The following NCOA5 variants were observed in gnomAD, a reference collection of about 807,000 sequenced individuals.
NCOA5 encodes the protein nuclear receptor coactivator 5.
A neutral mutation model predicts 59.0 loss-of-function variants in NCOA5; 12 were observed. The ratio of observed to expected loss-of-function variants is 0.20; its 90% CI spans 0.13 to 0.33. NCOA5 has a LOEUF of 0.33. Among genes scored for constraint, NCOA5 ranks in the 10% least tolerant of loss-of-function variants. The pLI is 1.00. For missense variants in NCOA5, 655 were observed against 766.6 expected (o/e 0.85, Z 1.72); for synonymous variants, 270 against 275.5 (o/e 0.98, Z 0.20).
At chr20:46,071,141 TA>T (rs1157485401) in intron 2 of NCOA5, among the ~76,000 whole-genome samples, 380 of 137,668 alleles carry the variant, frequency 2.8e-3, no homozygotes, top group Non-Finnish European at 2.9e-3. Context: ...CAAGATGGTT[TA>T]AAAAAAAAAA....
intron 3 of NCOA5, among the ~76,000 whole-genome samples, chr20:46,068,896 C>A (rs761745278): frequency 6.6e-6 from 1 of 152,070 alleles, no homozygotes; most frequent in African/African-American, 2.4e-5. Flanking sequence ...ATTACATGTC[C>A]CTCCCTTGTG....
At chr20:46,086,828 T>C (rs1568889862) in intron 1 of NCOA5, among the ~76,000 whole-genome samples, 1 of 152,192 alleles carries the variant, frequency 6.6e-6, no homozygotes, top group African/African-American at 2.4e-5. Context: ...AAAATATTCA[T>C]GAGAGGATAG....
chr20:46,071,016 A>G (rs780926416), intron 2 of NCOA5, among the ~76,000 whole-genome samples: 2 of 152,184 alleles, frequency 1.3e-5, no homozygotes, highest in African/African-American at 2.4e-5. Flanking sequence ...AAAAATTACT[A>G]TAAGATACAT....
At chr20:46,063,755 C>A in intron 6 of NCOA5, 75 bp from the exon 7 acceptor site, 1 of 1,379,308 alleles carries the variant, frequency 7.3e-7, no homozygotes. Context: ...TCTGTCAAGT[C>A]TTTCCTAACC....
chr20:46,077,225 A>G (rs1409800798), intron 2 of NCOA5, among the ~76,000 whole-genome samples: 1 of 152,172 alleles, frequency 6.6e-6, no homozygotes, highest in Non-Finnish European at 1.5e-5. Flanking sequence ...CTCATTTTAT[A>G]AGGCCCTCTC....
At chr20:46,077,801 C>T (rs573410389) in intron 2 of NCOA5, among the ~76,000 whole-genome samples, 4 of 152,354 alleles carry the variant, frequency 2.6e-5, no homozygotes, top group South Asian at 4.2e-4. Context: ...CTCTTATCCA[C>T]CTGTATTCCA....
chr20:46,076,483 T>C (rs143295395), intron 2 of NCOA5, among the ~76,000 whole-genome samples: 2 of 152,310 alleles, frequency 1.3e-5, no homozygotes, highest in African/African-American at 2.4e-5. Context: ...AAAATGTTAG[T>C]GCTCGCTATT....
At chr20:46,065,838 T>C (rs1212957597) in intron 5 of NCOA5, among the ~76,000 whole-genome samples, 1 of 152,234 alleles carries the variant, frequency 6.6e-6, no homozygotes, top group Non-Finnish European at 1.5e-5. Flanking sequence ...GGAATGAGGC[T>C]ATACAGCCCC....
rs746393676 is a variant in NCOA5, at chr20:46,062,285, T to G, written c.*15A>C. ...CAGGGGATGAGGGGACTGGGGAGAG[T>G]TGAAAGATTTAGCTTCAGTAATGCC... On this transcript the variant is annotated 3_prime_UTR_variant, in exon 8 of 8. Coordinates refer to ENST00000290231, the MANE Select transcript of NCOA5 (RefSeq NM_020967.3). 1.9e-5 allele frequency: 31 copies of G among 1,596,890 alleles called. No individual in the cohort carries two copies. Among genetic ancestry groups the G allele is most frequent in the Non-Finnish European group, 2.6e-5 (30 of 1,168,782 alleles).
chr20:46,082,060 G>A (rs1449082359), intron 1 of NCOA5, among the ~76,000 whole-genome samples: 2 of 152,100 alleles, frequency 1.3e-5, no homozygotes. Flanking sequence ...CTGTCAGTTG[G>A]AAGCAGAGGG....
intron 1 of NCOA5, among the ~76,000 whole-genome samples, 176 bp downstream of exon 1, chr20:46,089,641 G>T (rs2085080904): frequency 6.6e-6 from 1 of 151,854 alleles, no homozygotes; most frequent in Admixed American, 6.6e-5. Context: ...GCCGGAGGCG[G>T]CCGCGCCCCG....
At chr20:46,085,684 G>A (rs1039471550) in intron 1 of NCOA5, among the ~76,000 whole-genome samples, 2 of 152,140 alleles carry the variant, frequency 1.3e-5, no homozygotes, top group Non-Finnish European at 2.9e-5. Context: ...GGGAACACGG[G>A]GATAGGAGGA....
Position 46,067,096 on chromosome 20 carries a change from C to A in NCOA5, c.588G>T (p.Arg196Ser), listed in dbSNP as rs1411564819. 29 of 1,614,016 alleles carry A rather than the reference C, an allele frequency of 1.8e-5. No homozygotes were observed. Among genetic ancestry groups the A allele is most frequent in the Non-Finnish European group, 2.2e-5 (26 of 1,180,032 alleles). Reference sequence around the variant, plus strand: ...CCACAATCACAGAACAATCAACGGGCCTTTCGGCATCAAAGCGTCTCTGGA... The same window carrying A: ...CCACAATCACAGAACAATCAACGGGACTTTCGGCATCAAAGCGTCTCTGGA... ...EEIQRRFDAE[R>S]PVDCSVIVVN... is the part of the protein sequence containing the mutation. Residue 196 changes from arginine (R) to serine (S), a missense_variant, in exon 5 of 8, where the codon AGG becomes AGT. Around this residue, in one of 3 missense-constraint regions of NCOA5, gnomAD observed 80 missense variants for 153.3 expected, o/e 0.52. Coordinates refer to ENST00000290231, the MANE Select transcript of NCOA5 (RefSeq NM_020967.3).
At position 46,068,534 on chromosome 20, in the gene NCOA5, G is replaced by T. The variant is rs1962519864; in HGVS notation, c.470C>A (p.Pro157His). 1 of 1,613,096 alleles carries T rather than the reference G, an allele frequency of 6.2e-7. No individual in the cohort carries two copies. The highest frequency in any genetic ancestry group is 1.3e-5 in the African/African-American group (1 of 74,886). ...RYRDSFDGRG[P>H]PGPESQSRAK... ...ACGAGACTGACTTTCTGGGCCTGGAGGGCCCCGTCCATCAAAGCTATCTCT... is the reference window on the plus strand; with the variant it reads ...ACGAGACTGACTTTCTGGGCCTGGATGGCCCCGTCCATCAAAGCTATCTCT... The change falls in exon 4 of 8, where the codon CCT becomes CAT. Residue 157 changes from proline (P) to histidine (H), a missense_variant. Pro to His is a moderately conservative substitution (Grantham distance 77, BLOSUM62 -2). This residue lies in a region of NCOA5 where 250 missense variants were observed against 260.1 expected (regional missense o/e 0.96). Coordinates refer to ENST00000290231, the MANE Select transcript of NCOA5 (RefSeq NM_020967.3).
chr20:46,084,037 A>G (rs1289824754), intron 1 of NCOA5, among the ~76,000 whole-genome samples: 1 of 152,230 alleles, frequency 6.6e-6, no homozygotes, highest in Non-Finnish European at 1.5e-5. Context: ...CTGTATTAGA[A>G]TATTATTCCT....
chr20:46,085,600 C>T (rs2085037467), intron 1 of NCOA5, among the ~76,000 whole-genome samples: 1 of 151,874 alleles, frequency 6.6e-6, no homozygotes, highest in Admixed American at 6.6e-5. Flanking sequence ...GAAAAGTCAT[C>T]CCAGAACATA....
At position 46,062,479 on chromosome 20, in the gene NCOA5, T is replaced by G. The variant is rs1281363890; in HGVS notation, c.1561A>C (p.Asn521His). 6.2e-7 allele frequency: 1 copy of G among 1,614,168 alleles called. No homozygotes were observed. Among genetic ancestry groups the G allele is most frequent in the Admixed American group, 1.7e-5 (1 of 60,020 alleles). The change falls in exon 8 of 8, where the codon AAC becomes CAC. Residue 521 changes from asparagine (N) to histidine (H), a missense_variant. Coordinates refer to ENST00000290231, the MANE Select transcript of NCOA5 (RefSeq NM_020967.3). ...QPSSRLAPAS[N>H]MTSQRPVSST... ...GACACAGGCCTCTGGCTAGTCATGTTGCTAGCAGGTGCCAGGCGACTGGAA... is the reference window on the plus strand; with the variant it reads ...GACACAGGCCTCTGGCTAGTCATGTGGCTAGCAGGTGCCAGGCGACTGGAA...
rs1281940629 is a variant in NCOA5, at chr20:46,065,047, T to G, written c.811A>C (p.Met271Leu). The change falls in exon 6 of 8, where the codon ATG becomes CTG. Residue 271 changes from methionine to leucine, a missense_variant. Around this residue, in one of 3 missense-constraint regions of NCOA5, gnomAD observed 80 missense variants for 153.3 expected, o/e 0.52. Transcript: ENST00000290231. ...QIHRSCTVNI[M>L]FGTPQEHRNM... is the part of the protein sequence containing the mutation. ...TCTGTACCTTGCGGGGTTCCAAACA[T>G]GATGTTGACTGTGCAGGAGCGGTGA... is the stretch of plus-strand genomic sequence containing the variant. 6.2e-7 allele frequency: 1 copy of G among 1,614,186 alleles called. No individual in the cohort carries two copies. The highest frequency in any genetic ancestry group is 2.2e-5 in the East Asian group (1 of 44,886).
chr20:46,069,505 G>A (rs1163625906), intron 3 of NCOA5, among the ~76,000 whole-genome samples: 1 of 152,168 alleles, frequency 6.6e-6, no homozygotes, highest in East Asian at 1.9e-4. Flanking sequence ...GGAAGCCAAG[G>A]CGGGAGGATA....
Sources: allele counts gnomAD v4.1 joint callset (sites outside exome capture counted in the v4.1 genomes callset), GRCh38; gene constraint gnomAD v4.1.1; regional missense constraint gnomAD v4.1.1; transcripts MANE v1.5; gene names NCBI Gene and HGNC (gene_info 2026-07-23, HGNC 2026-07-21).